Variants in ITIH4 observed in about 807,000 individuals in gnomAD.
ITIH4 encodes the protein inter-alpha-trypsin inhibitor heavy chain H4.
Under a neutral mutation model 111.8 loss-of-function variants are expected in ITIH4, and 79 were observed. That is an observed-to-expected ratio of 0.71 (90% CI 0.59 to 0.85). ITIH4 has a LOEUF of 0.85. Ranked by LOEUF, ITIH4 falls within the 40% of genes least tolerant of loss-of-function variation. ITIH4 has a pLI of 0.00. For missense variants in ITIH4, 1,065 were observed against 1,195.8 expected (o/e 0.89, Z 1.61); for synonymous variants, 472 against 468.3 (o/e 1.01, Z -0.10).
chr3:52,819,415 G>A lies in ITIH4; in HGVS notation c.2055C>T (p.His685=). Residue 685 remains histidine, a synonymous_variant, in exon 17 of 24, where the codon CAC becomes CAT. Coordinates refer to ENST00000266041, the MANE Select transcript of ITIH4 (RefSeq NM_002218.5). ...PPDVPDHAAY[H]PFRRLAILPA... ...TACAGATGGCCAGACGGCGGAAGGG[G>A]TGGTAAGCAGCATGGTCAGGAACAT... 6.2e-7 allele frequency: 1 copy of A among 1,614,126 alleles called. No individual in the cohort carries two copies. The highest frequency in any genetic ancestry group is 1.6e-4 in the Middle Eastern group (1 of 6,062).
At chr3:52,830,380 AT>A in intron 1 of ITIH4, 172 bp downstream of exon 1, 1 of 715,254 alleles carries the variant, frequency 1.4e-6, no homozygotes, top group Non-Finnish European at 2.6e-6. Flanking sequence ...AGGTGGGAGA[AT>A]ACCAGTAAGG....
chr3:52,827,715 T>C (rs570463886), intron 2 of ITIH4, among the ~76,000 whole-genome samples: 79 of 152,182 alleles, frequency 5.2e-4, no homozygotes, highest in Middle Eastern at 3.4e-3. Context: ...GTCTCCCCGC[T>C]CCCTCCCACA....
intron 2 of ITIH4, 87 bp downstream of exon 2, chr3:52,829,032 C>G: frequency 7.8e-7 from 1 of 1,290,016 alleles, no homozygotes; most frequent in Non-Finnish European, 1.1e-6. Flanking sequence ...GCATGCCTTA[C>G]TTCAAGAAGA....
At chr3:52,813,678 G>C (rs1169486692) in intron 23 of ITIH4, among the ~76,000 whole-genome samples, 188 bp from the exon 24 acceptor site, 2 of 152,184 alleles carry the variant, frequency 1.3e-5, no homozygotes, top group Non-Finnish European at 2.9e-5. Context: ...CAGTACGTGA[G>C]GTCTCCAGGG....
chr3:52,821,192 C>T, intron 11 of ITIH4, 62 bp from the exon 12 acceptor site: 1 of 1,567,590 alleles, frequency 6.4e-7, no homozygotes, highest in Non-Finnish European at 8.6e-7. Context: ...ATCTGCCTGG[C>T]ACTTCTGAGC....
intron 13 of ITIH4, 77 bp downstream of exon 13, chr3:52,820,554 G>T: frequency 1.3e-6 from 2 of 1,508,490 alleles, no homozygotes; most frequent in East Asian, 2.3e-5. Flanking sequence ...TCTTGGTCAG[G>T]ATGCAGGGAA....
rs1700496061 is a variant in ITIH4 at position 52,827,193 on chromosome 3, T to C, written c.256A>G (p.Ile86Val). The C allele has an allele frequency of 2.5e-6, 4 of 1,613,382 alleles. No homozygotes were observed. Among genetic ancestry groups the C allele is most frequent in the South Asian group, 1.1e-5 (1 of 91,066 alleles). Reference sequence around the variant, plus strand: ...ATCCCTGGGTAGGTCATGCCATCGATGATCCTGGGGGCAGAAGGGTGGGAG... The same window carrying C: ...ATCCCTGGGTAGGTCATGCCATCGACGATCCTGGGGGCAGAAGGGTGGGAG... Reference protein sequence around the residue: ...KAFITNFSMIIDGMTYPGIIK... With the variant: ...KAFITNFSMIVDGMTYPGIIK... The change falls in exon 3 of 24, where the codon ATC (isoleucine) becomes GTC (valine). Residue 86 changes from isoleucine to valine, a missense_variant. By Grantham distance (29) the Ile-to-Val change is conservative. Transcript: ENST00000266041.
chr3:52,826,735 C>T lies in ITIH4; in HGVS notation c.519+56G>A, dbSNP rs184221500. ...GGCTCAGGGACAAAGAGGGGCCGCC[C>T]TCAGCAGGGCAAGGGTCATGCAGGA... is the stretch of plus-strand genomic sequence containing the variant. On this transcript the variant is annotated intron_variant, in intron 4 of 23. Transcript: ENST00000266041. The T allele has an allele frequency of 3.0e-4, 486 of 1,613,038 alleles. 2 individuals are homozygous for T. The East Asian group carries it at 8.6e-3, about 29-fold the overall frequency.
At position 52,824,592 on chromosome 3, in the gene ITIH4, C is replaced by T. The variant is rs1478702012; in HGVS notation, c.877-27G>A. On this transcript the variant is annotated intron_variant, in intron 7 of 23. Coordinates refer to ENST00000266041, the MANE Select transcript of ITIH4 (RefSeq NM_002218.5). The surrounding 1 kb of genome is among the most constrained non-coding windows in gnomAD (Gnocchi z 4.3). ...TGGTCAGGGAGAGGAAACATAGGTG[C>T]TTCAGAAGGGCTCCCTGAGGGCTCG... 2 of 1,593,914 alleles carry T rather than the reference C, an allele frequency of 1.3e-6. No individual in the cohort carries two copies. Among genetic ancestry groups the T allele is most frequent in the Non-Finnish European group, 1.7e-6 (2 of 1,170,866 alleles).
intron 11 of ITIH4, among the ~76,000 whole-genome samples, chr3:52,821,416 G>A (rs1014098834): frequency 6.6e-6 from 1 of 152,184 alleles, no homozygotes; most frequent in Non-Finnish European, 1.5e-5. Context: ...TGGAAGAAAG[G>A]GATGGGAACC....
intron 6 of ITIH4, 43 bp from the exon 7 acceptor site, chr3:52,825,001 T>C (rs780512854): frequency 9.4e-6 from 13 of 1,385,812 alleles, no homozygotes; most frequent in South Asian, 7.4e-5. Context: ...AGAGCTACAA[T>C]TGGCCCTATC....
intron 11 of ITIH4, among the ~76,000 whole-genome samples, chr3:52,821,486 G>GGTGT (rs35111806): frequency 0.045 from 6,839 of 152,148 alleles, 513 homozygotes; most frequent in African/African-American, 0.16. Context: ...GAGCAGGAAG[G>GGTGT]GTCTAGCTAC....
In ITIH4 at chr3:52,827,097, C is replaced by T. The variant is rs148418409; in HGVS notation, c.352G>A (p.Val118Ile). The change falls in exon 3 of 24, where the codon GTC becomes ATC. Residue 118 changes from valine to isoleucine, a missense_variant. Coordinates refer to ENST00000266041, the MANE Select transcript of ITIH4 (RefSeq NM_002218.5). ...AGCTGCCCCCCACCAGCTCACTTGA[C>T]GAGGCCAGCGCTCTTTCCCTTGGCC... ...AVAKGKSAGL[V>I]KATGRNMEQF... 7.8e-4 allele frequency: 1,266 copies of T among 1,613,916 alleles called. 6 individuals carry two copies. The Admixed American group carries it at 9.3e-3, about 12-fold the overall frequency.
At position 52,813,497 on chromosome 3, in the gene ITIH4, T is replaced by TG; in HGVS notation, c.2724-8dup. 1 of 1,613,512 alleles carries TG rather than the reference T, an allele frequency of 6.2e-7. No homozygotes were observed. The highest frequency in any genetic ancestry group is 8.5e-7 in the Non-Finnish European group (1 of 1,179,588). On this transcript the variant is annotated splice_region_variant and splice_polypyrimidine_tract_variant and intron_variant, in intron 23 of 23. Transcript: ENST00000266041. ...GTAATCCAGCCTGCGCTCTCTGAAA[T>TG]GGAAAGACAGACAGATAGGCAGGTG... is the stretch of plus-strand genomic sequence containing the variant.
intron 20 of ITIH4, among the ~76,000 whole-genome samples, chr3:52,817,830 T>C: frequency 6.6e-6 from 1 of 152,220 alleles, no homozygotes. Context: ...GCCATGCTTA[T>C]CTGTGCCTTG....
In ITIH4 at chr3:52,826,601, C is replaced by G. The variant is rs1336295568; in HGVS notation, c.570G>C (p.Glu190Asp). 1.9e-6 allele frequency: 3 copies of G among 1,614,086 alleles called. No individual in the cohort carries two copies. Among genetic ancestry groups the G allele is most frequent in the East Asian group, 2.2e-5 (1 of 44,884 alleles). ...CCAGCTGGTTGGTCATGAAGGTGCT[C>G]TCTGTCTCCAGAAAGCTGATGCCCT... ...EPQGISFLETESTFMTNQLVD... is the reference protein window; with the variant it reads ...EPQGISFLETDSTFMTNQLVD... The change falls in exon 5 of 24, where the codon GAG becomes GAC. Residue 190 changes from glutamate (E) to aspartate (D), a missense_variant. By Grantham distance (45) the Glu-to-Asp change is conservative. Transcript: ENST00000266041.
chr3:52,823,515 A>G, intron 11 of ITIH4, 41 bp downstream of exon 11: 1 of 1,523,550 alleles, frequency 6.6e-7, no homozygotes, highest in Non-Finnish European at 8.9e-7. Flanking sequence ...GCAGAGGTGG[A>G]GGCTGCCATT....
rs1395812069 is a variant in ITIH4, at chr3:52,813,442, G to A, written c.2772C>T (p.Ser924=). Reference sequence around the variant, plus strand: ...AGAACTACAGCTCCACAGACCAGCAGGAAATCTCCACTCCCGGGGGCCCCT... The same window carrying A: ...AGAACTACAGCTCCACAGACCAGCAAGAAATCTCCACTCCCGGGGGCCCCT... The part of the protein sequence containing the change: ...YQEGPPGVEI[S]CWSVEL Residue 924 remains serine, a synonymous_variant, in exon 24 of 24, where the codon TCC becomes TCT. Transcript: ENST00000266041. 2 of 1,614,112 alleles carry A rather than the reference G, an allele frequency of 1.2e-6. No individual in the cohort carries two copies. The highest frequency in any genetic ancestry group is 8.5e-7 in the Non-Finnish European group (1 of 1,180,012).
At chr3:52,826,729 G>A in intron 4 of ITIH4, 62 bp downstream of exon 4, 2 of 1,609,116 alleles carry the variant, frequency 1.2e-6, no homozygotes, top group South Asian at 1.1e-5. Flanking sequence ...ACAAAGAGGG[G>A]CCGCCCTCAG....
Sources: allele counts gnomAD v4.1 joint callset (sites outside exome capture counted in the v4.1 genomes callset), GRCh38; gene constraint gnomAD v4.1.1; non-coding constraint Gnocchi (gnomAD v3.1); transcripts MANE v1.5; gene names NCBI Gene and HGNC (gene_info 2026-07-23, HGNC 2026-07-21).